Variants in NDEL1 observed in about 807,000 individuals in gnomAD.
The protein encoded by NDEL1 is nudE neurodevelopment protein 1 like 1, also known as nuclear distribution protein nudE-like 1.
Under a neutral mutation model 45.7 loss-of-function variants are expected in NDEL1, and 9 were observed. That is an observed-to-expected ratio of 0.20 (90% CI 0.12 to 0.34). The LOEUF is 0.34. Ranked by LOEUF, NDEL1 falls within the 10% of genes least tolerant of loss-of-function variation. NDEL1 has a pLI of 1.00. For missense variants in NDEL1, 306 were observed against 406.2 expected (o/e 0.75, Z 2.12); for synonymous variants, 133 against 158.6 (o/e 0.84, Z 1.21).
rs1909943738 is a variant in NDEL1, at chr17:8,444,327, G to A, written c.56G>A (p.Trp19Ter). Reference sequence around the variant, plus strand: ...AGTTTAAAGGAGGAAACTGCTTATTGGAAGGAACTTTCCTTGAAGTATAAG... The same window carrying A: ...AGTTTAAAGGAGGAAACTGCTTATTAGAAGGAACTTTCCTTGAAGTATAAG... ...FSSLKEETAY[W>*]KELSLKYKQS... Residue 19 changes from tryptophan (W) to a stop codon, truncating the protein, a stop_gained, in exon 2 of 9, where the codon TGG becomes TAG. Coordinates refer to ENST00000334527, the MANE Select transcript of NDEL1 (RefSeq NM_030808.5). LOFTEE classifies it high-confidence loss of function. 6.2e-7 allele frequency: 1 copy of A among 1,613,066 alleles called. No individual in the cohort carries two copies. Among genetic ancestry groups the A allele is most frequent in the Non-Finnish European group, 8.5e-7 (1 of 1,179,414 alleles).
At chr17:8,439,167 C>T (rs1909563455) in intron 1 of NDEL1, among the ~76,000 whole-genome samples, 1 of 151,650 alleles carries the variant, frequency 6.6e-6, no homozygotes, top group African/African-American at 2.4e-5. Flanking sequence ...GTCTCAATCT[C>T]CTGACCTCGT....
At position 8,467,091 on chromosome 17, in the gene NDEL1, C is replaced by T. The variant is rs1251361365; in HGVS notation, c.*68C>T. 33 of 1,509,804 alleles carry T rather than the reference C, an allele frequency of 2.2e-5. No individual in the cohort carries two copies. The highest frequency in any genetic ancestry group is 3.4e-5 in the Admixed American group (2 of 59,230). 93.5% of individuals were successfully genotyped at this position (1,509,804 alleles called of 1,614,324 possible). A position where few individuals can be genotyped will look rare whatever the true frequency, so the allele number is the denominator to read the frequency against. On this transcript the variant is annotated 3_prime_UTR_variant, in exon 9 of 9. Coordinates refer to ENST00000334527, the MANE Select transcript of NDEL1 (RefSeq NM_030808.5). The surrounding 1 kb of genome is among the most constrained non-coding windows in gnomAD (Gnocchi z 6.3). ...CCCAGGACACCCACGCCTCACCCCT[C>T]GGTGCCTGGGCCCAGCCCCGTGCCC...
At chr17:8,463,191 G>T in intron 8 of NDEL1, 1 of 630,728 alleles carries the variant, frequency 1.6e-6, no homozygotes. Context: ...TAGGTAACAT[G>T]TGCTCTATTT....
At chr17:8,457,034 C>G (rs1402868543) in intron 7 of NDEL1, among the ~76,000 whole-genome samples, 1 of 152,224 alleles carries the variant, frequency 6.6e-6, no homozygotes, top group East Asian at 1.9e-4. Flanking sequence ...TGCCATTCAA[C>G]AAATGTGTTT....
At position 8,418,334 on chromosome 17, in the gene NDEL1, C is replaced by T. The variant is rs764135115; in HGVS notation, c.-13+5065C>T. On this transcript the variant is annotated intron_variant, in intron 1 of 4. Coordinates refer to the NDEL1 transcript ENST00000582812. ...GTTACTGCATTTTTCACTCTGTGACCAGCATGGCAGGAGACAGTGGGCTTC... is the reference window on the plus strand; with the variant it reads ...GTTACTGCATTTTTCACTCTGTGACTAGCATGGCAGGAGACAGTGGGCTTC... Among the ~76,000 whole-genome samples the T allele has an allele frequency of 2.6e-5, 4 of 152,174 alleles. No individual in the cohort carries two copies. The East Asian group carries it at 7.7e-4, about 29-fold the overall frequency.
At chr17:8,442,875 C>T (rs1423929012) in intron 1 of NDEL1, among the ~76,000 whole-genome samples, 1 of 151,192 alleles carries the variant, frequency 6.6e-6, no homozygotes, top group African/African-American at 2.4e-5. Context: ...CTGCAAGCTC[C>T]GCCTCCCGGG....
intron 1 of NDEL1, 96 bp downstream of exon 1, chr17:8,436,141 T>C: frequency 3.9e-6 from 1 of 257,078 alleles, no homozygotes; most frequent in Non-Finnish European, 7.7e-6. Flanking sequence ...CGGGGCCGTG[T>C]CTGAGGCTCC....
intron 1 of NDEL1, among the ~76,000 whole-genome samples, chr17:8,420,619 A>T (rs2151693332): frequency 6.6e-6 from 1 of 152,386 alleles, no homozygotes; most frequent in South Asian, 2.1e-4. Context: ...TCAAGTAAAC[A>T]GGCTGCTGTT....
intron 3 of NDEL1, 71 bp downstream of exon 3, chr17:8,445,935 T>C: frequency 7.6e-7 from 1 of 1,323,636 alleles, no homozygotes; most frequent in Non-Finnish European, 9.8e-7. Context: ...GTTTTTCAGG[T>C]GCTTAAGAGC....
At chr17:8,470,305 T>C (rs1008214960), downstream of NDEL1, among the ~76,000 whole-genome samples, 1 of 152,130 alleles carries the variant, frequency 6.6e-6, no homozygotes, top group Non-Finnish European at 1.5e-5. The surrounding 1 kb of genome is among the most constrained non-coding windows in gnomAD (Gnocchi z 4.2). Context: ...GAGCCTTCCT[T>C]GAGCCGCATC....
At chr17:8,440,332 T>C (rs117516025) in intron 1 of NDEL1, among the ~76,000 whole-genome samples, 5,979 of 152,094 alleles carry the variant, frequency 0.039, 184 homozygotes, top group Non-Finnish European at 0.06. Context: ...CTGGCCAACA[T>C]GGTGAAACCG....
intron 1 of NDEL1, among the ~76,000 whole-genome samples, chr17:8,438,202 C>G (rs568835513): frequency 2.6e-4 from 39 of 152,310 alleles, no homozygotes; most frequent in South Asian, 2.1e-3. Flanking sequence ...CGTGATCCGC[C>G]TGCCTCAGCC....
At chr17:8,454,505 T>C (rs1410094269) in intron 6 of NDEL1, among the ~76,000 whole-genome samples, 1 of 152,224 alleles carries the variant, frequency 6.6e-6, no homozygotes, top group Non-Finnish European at 1.5e-5. Flanking sequence ...GGGCATATGT[T>C]CTGACCCAGC....
chr17:8,449,692 C>G (rs1476282128), intron 5 of NDEL1, among the ~76,000 whole-genome samples: 1 of 152,134 alleles, frequency 6.6e-6, no homozygotes, highest in Non-Finnish European at 1.5e-5. Flanking sequence ...CAAGGTTTAT[C>G]CATGTGTAGT....
chr17:8,418,758 T>C (rs1386097702), intron 1 of NDEL1, among the ~76,000 whole-genome samples: 2 of 149,844 alleles, frequency 1.3e-5, no homozygotes, highest in Non-Finnish European at 3.0e-5. Flanking sequence ...CTTCCTTCCT[T>C]CCCTCCCTCC....
At chr17:8,434,964 G>C (rs1196841270), upstream of NDEL1, among the ~76,000 whole-genome samples, 3 of 152,054 alleles carry the variant, frequency 2.0e-5, no homozygotes, top group African/African-American at 7.2e-5. Flanking sequence ...CAGCTACTAG[G>C]GAGGCTGAGG....
chr17:8,416,649 A>G (rs79372252), intron 1 of NDEL1, among the ~76,000 whole-genome samples: 2,772 of 152,180 alleles, frequency 0.018, 88 homozygotes, highest in African/African-American at 0.062. Flanking sequence ...GTGTTTTTTC[A>G]TCGATTGTCC....
upstream of NDEL1, among the ~76,000 whole-genome samples, chr17:8,434,392 C>T (rs777901083): frequency 2.0e-5 from 3 of 151,872 alleles, no homozygotes; most frequent in Non-Finnish European, 4.4e-5. Flanking sequence ...AATTTTTGTA[C>T]TTTTAGTAGA....
chr17:8,461,692 T>G (rs368613703), intron 8 of NDEL1, among the ~76,000 whole-genome samples: 1 of 152,210 alleles, frequency 6.6e-6, no homozygotes, highest in Non-Finnish European at 1.5e-5. Flanking sequence ...TGGTTTTACA[T>G]GAGCGTAGCC....
Sources: allele counts gnomAD v4.1 joint callset (sites outside exome capture counted in the v4.1 genomes callset), GRCh38; gene constraint gnomAD v4.1.1; non-coding constraint Gnocchi (gnomAD v3.1); transcripts MANE v1.5; gene names NCBI Gene and HGNC (gene_info 2026-07-23, HGNC 2026-07-21).